The following ADAMTSL1 variants were observed in gnomAD, a reference collection of about 807,000 sequenced individuals.
The protein encoded by ADAMTSL1 is ADAMTS-like protein 1.
In ADAMTSL1, 126 loss-of-function variants were observed where a neutral mutation model predicts 201.8. The observed-to-expected ratio is 0.62, with a 90% CI of 0.54 to 0.72. The LOEUF (loss-of-function observed/expected upper bound fraction) is 0.72, where lower values mean the gene tolerates loss of function less well. ADAMTSL1 is among the 30% of genes least tolerant of loss of function. The pLI is 0.00. For missense variants in ADAMTSL1, 2,679 were observed against 2,277.8 expected (o/e 1.18, Z -3.59); for synonymous variants, 1,121 against 903.4 (o/e 1.24, Z -4.32).
intron 1 of ADAMTSL1, among the ~76,000 whole-genome samples, chr9:18,135,611 G>A (rs992691035): frequency 6.6e-6 from 1 of 152,026 alleles, no homozygotes; most frequent in African/African-American, 2.4e-5. Context: ...CCTAGGCAAT[G>A]TAGCAAACCC....
intron 2 of ADAMTSL1, among the ~76,000 whole-genome samples, chr9:18,210,389 G>A (rs13288009): frequency 0.46 from 25,217 of 54,544 alleles, 2,320 homozygotes; most frequent in Middle Eastern, 0.52. Flanking sequence ...ACACATATAC[G>A]CTAATATTAT....
chr9:18,748,255 G>A (rs1320157960), intron 15 of ADAMTSL1, among the ~76,000 whole-genome samples: 1 of 152,154 alleles, frequency 6.6e-6, no homozygotes, highest in African/African-American at 2.4e-5. Context: ...TGAAGCCTAG[G>A]AGCTGAAAGA....
chr9:18,398,541 C>G (rs77669008), intron 2 of ADAMTSL1, among the ~76,000 whole-genome samples: 15,512 of 152,136 alleles, frequency 0.1, 1,085 homozygotes, highest in Middle Eastern at 0.16. Flanking sequence ...TTGAAAGGCC[C>G]TGGGATAAGG....
chr9:18,537,038 T>C (rs1364063280), intron 3 of ADAMTSL1, among the ~76,000 whole-genome samples: 1 of 152,202 alleles, frequency 6.6e-6, no homozygotes, highest in African/African-American at 2.4e-5. Flanking sequence ...ATGCTCTTAA[T>C]TTCTTTATTA....
intron 5 of ADAMTSL1, among the ~76,000 whole-genome samples, chr9:18,633,943 G>C (rs1402314891): frequency 6.6e-6 from 1 of 152,094 alleles, no homozygotes; most frequent in Non-Finnish European, 1.5e-5. Flanking sequence ...TGTCCTTTAA[G>C]AGATTTGGGG....
intron 1 of ADAMTSL1, among the ~76,000 whole-genome samples, chr9:18,124,487 T>C (rs966672320): frequency 6.6e-6 from 1 of 152,212 alleles, no homozygotes; most frequent in Non-Finnish European, 1.5e-5. Flanking sequence ...ATGCTAGGCC[T>C]GCATCAGACA....
Position 18,241,484 on chromosome 9 carries a change from G to C in ADAMTSL1, c.207+77503G>C, listed in dbSNP as rs73643205. ...TTTTGCAGTAGAGCCTTCCTTTCAG[G>C]CTATTAATATTCCCTTCTCAAGCTC... On this transcript the variant is annotated intron_variant, in intron 2 of 29. Coordinates refer to the ADAMTSL1 transcript ENST00000680146. Among the ~76,000 whole-genome samples the C allele has an allele frequency of 9.7e-3, 1,470 of 151,892 alleles. 21 individuals are homozygous for C. Among genetic ancestry groups the C allele is most frequent in the African/African-American group, 0.033 (1,375 of 41,398 alleles).
At position 18,150,707 on chromosome 9, in the gene ADAMTSL1, AG is replaced by A. The variant is rs1340021052; in HGVS notation, c.88-13149del. ...GAGGGAAAGAGTGACAATATAGAGG[AG>A]GGGGGAGAGTAATAAATAATGGAAT... is the stretch of plus-strand genomic sequence containing the variant. On this transcript the variant is annotated intron_variant, in intron 1 of 29. Coordinates refer to the ADAMTSL1 transcript ENST00000680146. Among the ~76,000 whole-genome samples, 12 of 149,604 alleles carry A rather than the reference AG, an allele frequency of 8.0e-5. No individual in the cohort carries two copies. The East Asian group carries it at 1.2e-3, about 15-fold the overall frequency.
At chr9:18,272,914 G>A (rs1305473947) in intron 2 of ADAMTSL1, among the ~76,000 whole-genome samples, 1 of 152,206 alleles carries the variant, frequency 6.6e-6, no homozygotes, top group East Asian at 1.9e-4. Flanking sequence ...CCTAATGAGA[G>A]AACTCATATT....
intron 4 of ADAMTSL1, among the ~76,000 whole-genome samples, chr9:18,614,230 AC>A (rs1825563805): frequency 6.6e-6 from 1 of 152,078 alleles, no homozygotes; most frequent in Non-Finnish European, 1.5e-5. Context: ...TGACTGCTAA[AC>A]CCCAGAAGAG....
Position 18,904,633 on chromosome 9 carries a change from C to CAAAAAAAA in ADAMTSL1, c.4852-1117_4852-1110dup, listed in dbSNP as rs71333072. ...TGGGCAACAGAAAGAGACCCTGCCT[C>CAAAAAAAA]AAAAAAAAAAAAAAAAAAAAAAAAA... On this transcript the variant is annotated intron_variant, in intron 26 of 28. Coordinates refer to ENST00000380548, the MANE Select transcript of ADAMTSL1 (RefSeq NM_001040272.6). Among the ~76,000 whole-genome samples, 27 of 15,006 alleles carry CAAAAAAAA rather than the reference C, an allele frequency of 1.8e-3. 3 individuals are homozygous for CAAAAAAAA. The highest frequency in any genetic ancestry group is 2.4e-3 in the Non-Finnish European group (20 of 8,422). 9.8% of individuals were successfully genotyped at this position (15,006 alleles called of 152,430 possible). A position where few individuals can be genotyped will look rare whatever the true frequency, so the allele number is the denominator to read the frequency against.
intron 1 of ADAMTSL1, among the ~76,000 whole-genome samples, chr9:18,041,411 A>G (rs750141175): frequency 6.6e-6 from 1 of 152,190 alleles, no homozygotes; most frequent in Non-Finnish European, 1.5e-5. Flanking sequence ...AGCAAATTCC[A>G]GTAATGCTTT....
chr9:18,886,189 T>C (rs188227771), intron 23 of ADAMTSL1, among the ~76,000 whole-genome samples: 9,913 of 129,646 alleles, frequency 0.076, 732 homozygotes, highest in East Asian at 0.18. Context: ...TATATATATA[T>C]ATATATATAT....
intron 23 of ADAMTSL1, among the ~76,000 whole-genome samples, chr9:18,869,101 C>T (rs1439848022): frequency 6.6e-6 from 1 of 152,166 alleles, no homozygotes; most frequent in Non-Finnish European, 1.5e-5. Context: ...AACATAAAGA[C>T]AGAGCAGAGT....
rs549202539 is a variant in ADAMTSL1 at position 18,027,314 on chromosome 9, T to C, written c.87+120392T>C. On this transcript the variant is annotated intron_variant, in intron 1 of 29. Coordinates refer to the ADAMTSL1 transcript ENST00000680146. Reference sequence around the variant, plus strand: ...CTCTAGGCGCAATTTAGATTGTTAATTTGAGATCTTTCTAACTTCTTGATG... The same window carrying C: ...CTCTAGGCGCAATTTAGATTGTTAACTTGAGATCTTTCTAACTTCTTGATG... Among the ~76,000 whole-genome samples, 5 of 152,054 alleles carry C rather than the reference T, an allele frequency of 3.3e-5. 1 individual carries two copies. Among genetic ancestry groups the C allele is most frequent in the Admixed American group, 3.3e-4 (5 of 15,242 alleles).
intron 1 of ADAMTSL1, among the ~76,000 whole-genome samples, chr9:18,114,589 G>T (rs1466092410): frequency 2.6e-5 from 4 of 152,102 alleles, no homozygotes; most frequent in Non-Finnish European, 5.9e-5. Context: ...TTATTTTTGA[G>T]ACCCAAATGC....
At chr9:18,391,974 G>T (rs761324810) in intron 2 of ADAMTSL1, among the ~76,000 whole-genome samples, 3 of 151,594 alleles carry the variant, frequency 2.0e-5, no homozygotes, top group Admixed American at 6.6e-5. Flanking sequence ...ACAGGTGCCC[G>T]CCACCATGCC....
chr9:18,653,004 T>G (rs1196239151), intron 7 of ADAMTSL1, among the ~76,000 whole-genome samples: 4 of 152,244 alleles, frequency 2.6e-5, no homozygotes, highest in African/African-American at 7.2e-5. Flanking sequence ...GAATAGTAAG[T>G]ACTGGTTCAT....
At chr9:18,703,076 T>C (rs1469828690) in intron 13 of ADAMTSL1, among the ~76,000 whole-genome samples, 1 of 152,158 alleles carries the variant, frequency 6.6e-6, no homozygotes, top group African/African-American at 2.4e-5. Flanking sequence ...ATTTTTAAAC[T>C]TCCCAAATTT....
Sources: allele counts gnomAD v4.1 joint callset (sites outside exome capture counted in the v4.1 genomes callset), GRCh38; gene constraint gnomAD v4.1.1; transcripts MANE v1.5; gene names NCBI Gene and HGNC (gene_info 2026-07-23, HGNC 2026-07-21).